Variants in NXN observed in about 807,000 individuals in gnomAD.
NXN encodes nucleoredoxin.
Under a neutral mutation model 48.6 loss-of-function variants are expected in NXN, and 16 were observed. The ratio of observed to expected loss-of-function variants is 0.33; its 90% CI spans 0.22 to 0.50. The LOEUF is 0.50. Ranked by LOEUF, NXN falls within the 20% of genes least tolerant of loss-of-function variation. The pLI is 0.98. For synonymous variants in NXN, 281 were observed against 269.6 expected, an observed-to-expected ratio of 1.04 and a Z score of -0.41; for missense variants, 492 against 605.5, an observed-to-expected ratio of 0.81 and a Z score of 1.97.
At position 887,296 on chromosome 17, in the gene NXN, G is replaced by A. The variant is rs1022278235; in HGVS notation, c.361-61218C>T. Among the ~76,000 whole-genome samples the A allele has an allele frequency of 5.9e-5, 9 of 152,272 alleles. No individual in the cohort carries two copies. The South Asian group carries it at 6.2e-4, about 11-fold the overall frequency. On this transcript the variant is annotated intron_variant, in intron 1 of 7. Transcript: ENST00000336868. ...CCTCTCCCAGGCAAGTGGCCACAGCGACGAAGGTTTGGCGGAGGTGCAGGG... is the reference window on the plus strand; with the variant it reads ...CCTCTCCCAGGCAAGTGGCCACAGCAACGAAGGTTTGGCGGAGGTGCAGGG...
At chr17:950,849 G>A (rs2069101030) in intron 1 of NXN, among the ~76,000 whole-genome samples, 1 of 151,800 alleles carries the variant, frequency 6.6e-6, no homozygotes, top group South Asian at 2.1e-4. Flanking sequence ...GCACAAAGAA[G>A]ACCAACAAAT....
intron 1 of NXN, among the ~76,000 whole-genome samples, chr17:865,938 G>A (rs1180686712): frequency 6.6e-6 from 1 of 151,936 alleles, no homozygotes; most frequent in Non-Finnish European, 1.5e-5. Context: ...AGCTAAGATC[G>A]CGGCATTGCA....
chr17:824,984 C>T (rs1244908359), intron 2 of NXN, among the ~76,000 whole-genome samples: 1 of 152,200 alleles, frequency 6.6e-6, no homozygotes, highest in Non-Finnish European at 1.5e-5. Flanking sequence ...GATCCCAGCA[C>T]TTTGGGAGGC....
At chr17:880,017 C>T (rs2068266553) in intron 1 of NXN, 1 of 152,142 alleles carries the variant, frequency 6.6e-6, no homozygotes, top group Admixed American at 6.6e-5. Flanking sequence ...ATGGAAATTC[C>T]ACTTTTAGTC....
At chr17:881,191 G>C (rs1447928591) in intron 1 of NXN, among the ~76,000 whole-genome samples, 1 of 152,210 alleles carries the variant, frequency 6.6e-6, no homozygotes, top group Non-Finnish European at 1.5e-5. Flanking sequence ...TCAAACCCGG[G>C]TGAGGACGTG....
chr17:912,858 G>A (rs1026358359), intron 1 of NXN, among the ~76,000 whole-genome samples: 4 of 152,130 alleles, frequency 2.6e-5, no homozygotes, highest in East Asian at 1.9e-4. Flanking sequence ...GGAGGCTGAG[G>A]CAGGAGAATC....
chr17:805,028 C>G (rs958628098), intron 6 of NXN, 40 bp downstream of exon 6: 14 of 1,535,202 alleles, frequency 9.1e-6, no homozygotes, highest in Non-Finnish European at 8.8e-6. Context: ...TGTCCCGCCC[C>G]CCAGCCACCC....
Position 979,640 on chromosome 17 carries a change from C to T in NXN, c.39G>A (p.Leu13=). The change falls in exon 1 of 8, where the codon CTG becomes CTA. Residue 13 remains leucine (L), a synonymous_variant. Transcript: ENST00000336868. Reference sequence around the variant, plus strand: ...CCACCTCCTCGCCGCCGCCCGTCACCAGCTTCTCGCCGAGCAGCTCCTCCA... The same window carrying T: ...CCACCTCCTCGCCGCCGCCCGTCACTAGCTTCTCGCCGAGCAGCTCCTCCA... The part of the protein sequence containing the change: ...GFLEELLGEK[L]VTGGGEEVDV... 2 of 1,471,230 alleles carry T rather than the reference C, an allele frequency of 1.4e-6. No homozygotes were observed. Among genetic ancestry groups the T allele is most frequent in the Non-Finnish European group, 9.0e-7 (1 of 1,111,330 alleles). The allele number at this position is 1,471,230 out of a possible 1,614,324, so 91.1% of individuals were successfully genotyped here. A position where few individuals can be genotyped will look rare whatever the true frequency, so the allele number is the denominator to read the frequency against.
intron 1 of NXN, among the ~76,000 whole-genome samples, chr17:945,417 A>G (rs549683870): frequency 1.3e-5 from 2 of 151,694 alleles, no homozygotes; most frequent in South Asian, 2.1e-4. Flanking sequence ...TGGGGAATAG[A>G]TAAGAGTTTC....
intron 1 of NXN, among the ~76,000 whole-genome samples, chr17:892,226 AC>A (rs1387230780): frequency 1.3e-5 from 2 of 150,860 alleles, no homozygotes; most frequent in African/African-American, 4.9e-5. Context: ...GCACAGCCCA[AC>A]AGGGAACCTA....
chr17:826,164 G>A, intron 1 of NXN, 86 bp from the exon 2 acceptor site: 3 of 865,268 alleles, frequency 3.5e-6, no homozygotes, highest in East Asian at 4.8e-5. Flanking sequence ...TCTGGAGGCT[G>A]GATGAACAGG....
chr17:950,741 G>C (rs747120449), intron 1 of NXN, among the ~76,000 whole-genome samples: 1 of 152,010 alleles, frequency 6.6e-6, no homozygotes, highest in Non-Finnish European at 1.5e-5. Context: ...CGAGTGGACG[G>C]ACGTGAGCAG....
intron 1 of NXN, among the ~76,000 whole-genome samples, chr17:974,178 T>C (rs1401296935): frequency 6.6e-6 from 1 of 151,214 alleles, no homozygotes; most frequent in Non-Finnish European, 1.5e-5. Flanking sequence ...TGAAACCCCG[T>C]CTCTACTAAA....
intron 7 of NXN, among the ~76,000 whole-genome samples, chr17:801,888 CCCTG>C (rs1480036273): frequency 3.9e-5 from 6 of 152,152 alleles, no homozygotes; most frequent in African/African-American, 1.4e-4. Context: ...CAACTCCCAC[CCCTG>C]TGGTTTCAGG....
chr17:884,265 T>C lies in NXN; in HGVS notation c.361-58187A>G, dbSNP rs558437411. 9.7e-5 allele frequency among the ~76,000 whole-genome samples: 13 copies of C among 133,564 alleles called. No homozygotes were observed. In the East Asian group the frequency reaches 2.6e-3, roughly 27 times the overall value. The allele number at this position is 133,564 out of a possible 152,430, so 87.6% of individuals were successfully genotyped here. ...AAATAAATAATAAAACGAAGCTGTG[T>C]GTAGTGGCGTGCACCTAGAGTCCTA... is the stretch of plus-strand genomic sequence containing the variant. On this transcript the variant is annotated intron_variant, in intron 1 of 7. Transcript: ENST00000336868.
rs1378332800 is a variant in NXN at position 917,641 on chromosome 17, C to T, written c.360+61678G>A. Among the ~76,000 whole-genome samples the T allele has an allele frequency of 2.0e-5, 3 of 152,238 alleles. No homozygotes were observed. Among genetic ancestry groups the T allele is most frequent in the Non-Finnish European group, 2.9e-5 (2 of 68,050 alleles). On this transcript the variant is annotated intron_variant, in intron 1 of 7. Coordinates refer to ENST00000336868, the MANE Select transcript of NXN (RefSeq NM_022463.5). The surrounding 1 kb of genome is among the most constrained non-coding windows in gnomAD (Gnocchi z 4.5). ...CCCACAAGGACGTGGCTCAGACGCA[C>T]GTCACCATCTCAACCCAATGTAGGC...
chr17:806,278 C>T (rs533904406), intron 5 of NXN, among the ~76,000 whole-genome samples: 2 of 97,284 alleles, frequency 2.1e-5, no homozygotes, highest in African/African-American at 4.0e-5. Context: ...CCAGCTCCCC[C>T]CTTCCCCAGG....
chr17:949,792 T>C (rs562959658), intron 1 of NXN, among the ~76,000 whole-genome samples: 10 of 151,418 alleles, frequency 6.6e-5, no homozygotes, highest in Admixed American at 4.0e-4. Context: ...GGCAGCCACG[T>C]GAGGACCTCT....
At chr17:912,717 C>CA (rs2068648217) in intron 1 of NXN, among the ~76,000 whole-genome samples, 1 of 152,098 alleles carries the variant, frequency 6.6e-6, no homozygotes, top group African/African-American at 2.4e-5. Context: ...ATTTGGGAGG[C>CA]CGATGCGGGC....
Sources: gnomAD v4.1 joint callset for allele counts (sites outside exome capture counted in the v4.1 genomes callset) on GRCh38, gnomAD v4.1.1 for gene constraint, Gnocchi (gnomAD v3.1) non-coding constraint, MANE v1.5 for transcripts, NCBI Gene and HGNC (gene_info 2026-07-23, HGNC 2026-07-21) for gene names.